Variants in EXOC5 observed in about 807,000 individuals in gnomAD.
The protein encoded by EXOC5 is exocyst complex component 5.
In EXOC5, 17 loss-of-function variants were observed where a neutral mutation model predicts 90.8. That is an observed-to-expected ratio of 0.19 (90% CI 0.13 to 0.28). EXOC5 has a LOEUF of 0.28. EXOC5 is among the 10% of genes least tolerant of loss of function. The probability of loss-of-function intolerance (pLI) is 1.00; values close to 1 mark genes in which losing one functional copy is unlikely to be tolerated. For missense variants in EXOC5, 569 were observed against 830.6 expected (o/e 0.69, Z 3.87); for synonymous variants, 260 against 270.0 (o/e 0.96, Z 0.36).
chr14:57,250,990 G>T (rs1008663344), intron 1 of EXOC5, among the ~76,000 whole-genome samples: 2 of 152,174 alleles, frequency 1.3e-5, no homozygotes, highest in Non-Finnish European at 1.5e-5. Context: ...GCATGGTTGT[G>T]TATCAATAAA....
chr14:57,238,997 T>C (rs560517985), intron 5 of EXOC5, among the ~76,000 whole-genome samples: 4 of 152,218 alleles, frequency 2.6e-5, no homozygotes, highest in Admixed American at 2.6e-4. Flanking sequence ...GTGGATAGTT[T>C]ATTTTAGGAT....
At chr14:57,238,568 ATAAAGT>A (rs1372027783) in intron 5 of EXOC5, among the ~76,000 whole-genome samples, 1 of 151,802 alleles carries the variant, frequency 6.6e-6, no homozygotes, top group East Asian at 1.9e-4. Flanking sequence ...CTGAAATGAC[ATAAAGT>A]TAAAGAGAAG....
intron 15 of EXOC5, among the ~76,000 whole-genome samples, chr14:57,213,252 T>C (rs1365181038): frequency 1.3e-5 from 2 of 152,056 alleles, no homozygotes; most frequent in South Asian, 2.1e-4. Flanking sequence ...TATGGTGGTG[T>C]GCAGCTGTGG....
intron 13 of EXOC5, 115 bp downstream of exon 13, chr14:57,222,193 G>A: frequency 1.8e-6 from 1 of 547,814 alleles, no homozygotes; most frequent in South Asian, 3.0e-5. Context: ...AAACTTCATT[G>A]CACCGAACTG....
Position 57,244,221 on chromosome 14 carries a change from A to T in EXOC5, c.409T>A (p.Phe137Ile). The change falls in exon 4 of 18, where the codon TTT becomes ATT. Residue 137 changes from phenylalanine to isoleucine, a missense_variant. Physicochemically the swap from Phe to Ile is conservative, Grantham distance 21. This residue lies in a region of EXOC5 where 97 missense variants were observed against 177.9 expected (regional missense o/e 0.55). Transcript: ENST00000621441. ...AVEAQKLMKY[F>I]NEFLDGELKS... The stretch of plus-strand genomic sequence containing the variant: ...AATTCTCCATCTAGAAACTCATTAA[A>T]GTATTTCATCAATTTCTGAGCCTCC... 6.2e-7 allele frequency: 1 copy of T among 1,613,856 alleles called. No homozygotes were observed. Among genetic ancestry groups the T allele is most frequent in the Non-Finnish European group, 8.5e-7 (1 of 1,179,750 alleles).
chr14:57,262,739 A>ATG (rs10606438), intron 1 of EXOC5, among the ~76,000 whole-genome samples: 1 of 100,826 alleles, frequency 9.9e-6, no homozygotes. Flanking sequence ...ATACGTATAT[A>ATG]TGTGTGTGTG....
chr14:57,234,082 A>G, intron 7 of EXOC5, 50 bp from the exon 8 acceptor site: 1 of 1,360,134 alleles, frequency 7.4e-7, no homozygotes, highest in Non-Finnish European at 1.0e-6. Context: ...TATAATAATT[A>G]TTATTTCAAA....
intron 1 of EXOC5, among the ~76,000 whole-genome samples, chr14:57,254,832 G>A (rs1426596007): frequency 6.6e-6 from 1 of 152,068 alleles, no homozygotes; most frequent in Non-Finnish European, 1.5e-5. Flanking sequence ...TACAAGCTAA[G>A]AGAAGAGGCC....
At chr14:57,251,175 A>G (rs758667771) in intron 1 of EXOC5, among the ~76,000 whole-genome samples, 2 of 152,222 alleles carry the variant, frequency 1.3e-5, no homozygotes, top group Non-Finnish European at 2.9e-5. Context: ...AGCTCTTAGC[A>G]CAATAGCAGC....
chr14:57,249,062 C>A (rs1450771191), intron 1 of EXOC5, among the ~76,000 whole-genome samples: 2 of 152,030 alleles, frequency 1.3e-5, no homozygotes, highest in East Asian at 3.9e-4. Flanking sequence ...ACATGAAATA[C>A]CCCTATATAA....
chr14:57,246,914 C>A, intron 2 of EXOC5, 56 bp from the exon 3 acceptor site: 1 of 1,022,782 alleles, frequency 9.8e-7, no homozygotes, highest in Non-Finnish European at 1.4e-6. Flanking sequence ...TCCTTAGGAA[C>A]TGACCAGTTA....
At chr14:57,230,437 A>G (rs1299930773) in intron 11 of EXOC5, among the ~76,000 whole-genome samples, 1 of 149,374 alleles carries the variant, frequency 6.7e-6, no homozygotes, top group Non-Finnish European at 1.5e-5. Context: ...ACACACACAC[A>G]CACACACAAA....
intron 12 of EXOC5, among the ~76,000 whole-genome samples, chr14:57,228,899 AAAATT>A (rs1312547230): frequency 6.6e-6 from 1 of 151,868 alleles, no homozygotes; most frequent in African/African-American, 2.4e-5. Context: ...TATGTACTAT[AAAATT>A]ATTAGCTACT....
At chr14:57,259,564 C>G (rs1277404952) in intron 1 of EXOC5, among the ~76,000 whole-genome samples, 2 of 152,154 alleles carry the variant, frequency 1.3e-5, no homozygotes, top group Non-Finnish European at 2.9e-5. Flanking sequence ...TAACTCACCC[C>G]ACCAAGTATG....
intron 1 of EXOC5, among the ~76,000 whole-genome samples, chr14:57,248,091 A>C (rs963608501): frequency 4.6e-5 from 7 of 150,986 alleles, no homozygotes; most frequent in African/African-American, 1.5e-4. Flanking sequence ...AAAATCTCAC[A>C]AAGTTTTTTT....
At chr14:57,249,499 A>AT (rs1283392166) in intron 1 of EXOC5, among the ~76,000 whole-genome samples, 2 of 152,150 alleles carry the variant, frequency 1.3e-5, no homozygotes, top group Non-Finnish European at 2.9e-5. Flanking sequence ...AAAATTAAGG[A>AT]TTTTTTCATA....
intron 11 of EXOC5, among the ~76,000 whole-genome samples, chr14:57,230,085 T>G (rs1312293553): frequency 6.6e-6 from 1 of 152,158 alleles, no homozygotes; most frequent in Admixed American, 6.5e-5. Flanking sequence ...ATGAGTAGAT[T>G]TGGACTTCTA....
intron 1 of EXOC5, 165 bp downstream of exon 1, chr14:57,268,457 G>C: frequency 2.0e-6 from 3 of 1,468,556 alleles, no homozygotes; most frequent in African/African-American, 1.4e-5. Flanking sequence ...CCCATTTCAC[G>C]CTCCGCCCGC....
At chr14:57,216,182 TTTAGAGCTTGAAA>T (rs1304562058) in intron 15 of EXOC5, among the ~76,000 whole-genome samples, 1 of 151,884 alleles carries the variant, frequency 6.6e-6, no homozygotes, top group East Asian at 1.9e-4. Context: ...ATATCCCGTG[TTTAGAGCTTGAAA>T]GAATATTGTT....
Sources: gnomAD v4.1 joint callset for allele counts (sites outside exome capture counted in the v4.1 genomes callset) on GRCh38, gnomAD v4.1.1 for gene constraint, gnomAD v4.1.1 regional missense constraint, MANE v1.5 for transcripts, NCBI Gene and HGNC (gene_info 2026-07-23, HGNC 2026-07-21) for gene names.